Variants in DOCK3 observed in about 807,000 individuals in gnomAD.
The protein encoded by DOCK3 is dedicator of cytokinesis protein 3.
In DOCK3, 60 loss-of-function variants were observed where a neutral mutation model predicts 265.6. That is an observed-to-expected ratio of 0.23 (90% CI 0.18 to 0.28). DOCK3 has a LOEUF of 0.28. DOCK3 is among the 10% of genes least tolerant of loss of function. The pLI, the probability that DOCK3 is intolerant of heterozygous loss-of-function variation, is 1.00. For synonymous variants in DOCK3, 881 were observed against 938.0 expected, an observed-to-expected ratio of 0.94 and a Z score of 1.11; for missense variants, 1,981 against 2,594.3, an observed-to-expected ratio of 0.76 and a Z score of 5.14.
At chr3:50,906,853 G>T (rs1443960233) in intron 4 of DOCK3, among the ~76,000 whole-genome samples, 1 of 152,006 alleles carries the variant, frequency 6.6e-6, no homozygotes, top group African/African-American at 2.4e-5. Context: ...ACGTTAGGGT[G>T]TCAGTTTTAG....
intron 3 of DOCK3, among the ~76,000 whole-genome samples, chr3:50,887,040 CA>C (rs1289910214): frequency 1.3e-5 from 2 of 151,874 alleles, no homozygotes; most frequent in East Asian, 1.9e-4. Flanking sequence ...AATAGAGACA[CA>C]AAAAACCCTT....
chr3:50,813,302 G>A (rs976211400), intron 2 of DOCK3, among the ~76,000 whole-genome samples: 7 of 152,276 alleles, frequency 4.6e-5, no homozygotes, highest in Middle Eastern at 3.4e-3. Context: ...GGCACACTGA[G>A]GCGAGAGAGA....
At chr3:51,046,331 G>A (rs1457790483) in intron 5 of DOCK3, among the ~76,000 whole-genome samples, 3 of 152,086 alleles carry the variant, frequency 2.0e-5, no homozygotes. Flanking sequence ...CTAATTATAT[G>A]TTGTTTGTAA....
chr3:51,146,992 A>C (rs2085328386), intron 10 of DOCK3, among the ~76,000 whole-genome samples: 1 of 152,082 alleles, frequency 6.6e-6, no homozygotes, highest in Non-Finnish European at 1.5e-5. Context: ...GTGTGTCTGT[A>C]GTCACAGCTA....
intron 2 of DOCK3, among the ~76,000 whole-genome samples, chr3:50,830,810 A>C (rs919058733): frequency 2.0e-5 from 3 of 152,168 alleles, no homozygotes; most frequent in African/African-American, 7.2e-5. Context: ...TATTTTTTTA[A>C]AGTGAAAGCA....
At chr3:51,019,966 A>G (rs956817067) in intron 5 of DOCK3, among the ~76,000 whole-genome samples, 5 of 151,910 alleles carry the variant, frequency 3.3e-5, no homozygotes, top group African/African-American at 1.2e-4. Flanking sequence ...TTATAATAGA[A>G]TGATTTCTGT....
chr3:51,134,689 C>T (rs956923024), intron 9 of DOCK3, among the ~76,000 whole-genome samples: 3 of 152,198 alleles, frequency 2.0e-5, no homozygotes, highest in Admixed American at 6.5e-5. Flanking sequence ...CACACAGACA[C>T]TCTTCATCTC....
intron 9 of DOCK3, among the ~76,000 whole-genome samples, chr3:51,096,815 A>G (rs2082876946): frequency 6.6e-6 from 1 of 152,076 alleles, no homozygotes; most frequent in Non-Finnish European, 1.5e-5. Context: ...TGACCTCCGG[A>G]TAGGGTTTCT....
At chr3:51,246,532 G>C (rs2078851121) in intron 21 of DOCK3, among the ~76,000 whole-genome samples, 194 bp from the exon 22 acceptor site, 1 of 152,200 alleles carries the variant, frequency 6.6e-6, no homozygotes, top group African/African-American at 2.4e-5. Flanking sequence ...TTAAAATGTG[G>C]CAACTCCTAT....
At chr3:50,759,036 C>G (rs2040367331) in intron 1 of DOCK3, among the ~76,000 whole-genome samples, 3 of 152,168 alleles carry the variant, frequency 2.0e-5, no homozygotes, top group Non-Finnish European at 4.4e-5. Context: ...ATTACTTTCA[C>G]CTTTTCACTA....
chr3:51,269,702 C>A (rs943858380), intron 23 of DOCK3, among the ~76,000 whole-genome samples: 1 of 152,156 alleles, frequency 6.6e-6, no homozygotes, highest in Non-Finnish European at 1.5e-5. Flanking sequence ...CTTTGTAAAT[C>A]CTGAGTTAAT....
At chr3:50,989,342 G>C (rs1559905487) in intron 5 of DOCK3, among the ~76,000 whole-genome samples, 1 of 152,172 alleles carries the variant, frequency 6.6e-6, no homozygotes, top group Non-Finnish European at 1.5e-5. Flanking sequence ...AGCTACAGCG[G>C]GCAGGCCAGG....
chr3:51,172,477 G>C (rs961715797), intron 12 of DOCK3, among the ~76,000 whole-genome samples: 4 of 152,030 alleles, frequency 2.6e-5, no homozygotes, highest in Non-Finnish European at 5.9e-5. Flanking sequence ...CGCCCAGCTG[G>C]AATATCTTTT....
chr3:50,786,497 C>G (rs2042191016), intron 2 of DOCK3, among the ~76,000 whole-genome samples: 1 of 152,140 alleles, frequency 6.6e-6, no homozygotes, highest in Non-Finnish European at 1.5e-5. Flanking sequence ...CCCACCATTT[C>G]TTTCTTTGCA....
At chr3:51,354,221 C>A (rs1188789694) in intron 40 of DOCK3, among the ~76,000 whole-genome samples, 2 of 53,012 alleles carry the variant, frequency 3.8e-5, no homozygotes, top group Non-Finnish European at 6.8e-5. Context: ...TTGATCACCA[C>A]CCCCCCCCCA....
intron 1 of DOCK3, among the ~76,000 whole-genome samples, chr3:50,754,157 CAAAAAAAA>C (rs71084110): frequency 1.6e-5 from 1 of 61,574 alleles, no homozygotes; most frequent in African/African-American, 7.6e-5. Flanking sequence ...GACTCTGTCT[CAAAAAAAA>C]AAAAAAAAAA....
At chr3:50,883,511 C>CT (rs1174949014) in intron 3 of DOCK3, among the ~76,000 whole-genome samples, 1 of 151,664 alleles carries the variant, frequency 6.6e-6, no homozygotes, top group African/African-American at 2.4e-5. Flanking sequence ...TCATTCACTA[C>CT]TTTTTTTTAG....
At position 51,228,737 on chromosome 3, in the gene DOCK3, G is replaced by A; in HGVS notation, c.1724G>A (p.Cys575Tyr). Residue 575 changes from cysteine (C) to tyrosine (Y), a missense_variant, in exon 18 of 53, where the codon TGC (cysteine) becomes TAC (tyrosine). Coordinates refer to ENST00000266037, the MANE Select transcript of DOCK3 (RefSeq NM_004947.5). The part of the protein sequence containing the change: ...LPCCKEDYNG[C>Y]PNIPSSLIFQ... ...TGCTGCAAAGAGGACTACAATGGCT[G>A]CCCTAATATTCCTTCTAGCCTCATC... is the stretch of plus-strand genomic sequence containing the variant. 1 of 1,613,972 alleles carries A rather than the reference G, an allele frequency of 6.2e-7. No individual in the cohort carries two copies. Among genetic ancestry groups the A allele is most frequent in the Non-Finnish European group, 8.5e-7 (1 of 1,179,892 alleles).
chr3:50,922,717 A>G (rs1174421071), intron 4 of DOCK3, among the ~76,000 whole-genome samples: 2 of 147,744 alleles, frequency 1.4e-5, no homozygotes, highest in Admixed American at 6.7e-5. Context: ...GTTCTTGTCA[A>G]TTCTAAGGTT....
Sources: allele counts gnomAD v4.1 joint callset (sites outside exome capture counted in the v4.1 genomes callset), GRCh38; gene constraint gnomAD v4.1.1; transcripts MANE v1.5; gene names NCBI Gene and HGNC (gene_info 2026-07-23, HGNC 2026-07-21).